The following PTPRD variants were observed in gnomAD, a reference collection of about 807,000 sequenced individuals.
PTPRD encodes receptor-type tyrosine-protein phosphatase delta.
A neutral mutation model predicts 214.5 loss-of-function variants in PTPRD; 34 were observed. The observed-to-expected ratio is 0.16, with a 90% CI of 0.12 to 0.21. The LOEUF is 0.21. Among genes scored for constraint, PTPRD ranks in the 10% least tolerant of loss-of-function variants. PTPRD has a pLI of 1.00. For missense variants in PTPRD, 2,545 were observed against 2,398.7 expected, an observed-to-expected ratio of 1.06 and a Z score of -1.27; for synonymous variants, 1,128 against 845.7, an observed-to-expected ratio of 1.33 and a Z score of -5.79.
chr9:8,376,487 C>A, intron 38 of PTPRD, 120 bp downstream of exon 38: 4 of 1,405,324 alleles, frequency 2.8e-6, no homozygotes, highest in Non-Finnish European at 3.9e-6. Context: ...CTATTTCATT[C>A]TTCACTGTTG....
At chr9:8,426,465 G>C (rs1277241041) in intron 35 of PTPRD, among the ~76,000 whole-genome samples, 1 of 152,042 alleles carries the variant, frequency 6.6e-6, no homozygotes, top group Non-Finnish European at 1.5e-5. Context: ...TCTTTTTTCA[G>C]TCCTTGCTAT....
At chr9:8,535,528 G>A (rs746256486) in intron 14 of PTPRD, among the ~76,000 whole-genome samples, 4 of 151,798 alleles carry the variant, frequency 2.6e-5, no homozygotes, top group South Asian at 2.1e-4. Flanking sequence ...GGATGTCAAA[G>A]GTTGTTGTGA....
chr9:9,998,728 C>G (rs991986068), intron 4 of PTPRD, among the ~76,000 whole-genome samples: 1 of 152,148 alleles, frequency 6.6e-6, no homozygotes, highest in African/African-American at 2.4e-5. Context: ...AATAACGTCT[C>G]TCTCCAGGCA....
At chr9:10,398,644 A>G (rs2098217295) in intron 2 of PTPRD, among the ~76,000 whole-genome samples, 1 of 152,020 alleles carries the variant, frequency 6.6e-6, no homozygotes, top group African/African-American at 2.4e-5. Flanking sequence ...GTGTAAAAAT[A>G]TATTTCCAAC....
chr9:8,449,931 C>A, intron 33 of PTPRD, 94 bp from the exon 34 acceptor site: 2 of 1,244,264 alleles, frequency 1.6e-6, no homozygotes, highest in East Asian at 2.4e-5. Context: ...CCCCACCTCC[C>A]AAGTTTTCAG....
At chr9:10,557,997 C>A (rs2063009989) in intron 2 of PTPRD, among the ~76,000 whole-genome samples, 1 of 152,136 alleles carries the variant, frequency 6.6e-6, no homozygotes, top group Admixed American at 6.6e-5. Flanking sequence ...TGTTGAAATT[C>A]TTAATACTAC....
At chr9:10,455,763 G>C (rs78441116) in intron 2 of PTPRD, among the ~76,000 whole-genome samples, 1 of 151,630 alleles carries the variant, frequency 6.6e-6, no homozygotes, top group South Asian at 2.1e-4. Flanking sequence ...CAAAATTTCA[G>C]CGATGTAGAT....
intron 14 of PTPRD, among the ~76,000 whole-genome samples, chr9:8,588,708 T>C (rs2093865194): frequency 6.6e-6 from 1 of 152,184 alleles, no homozygotes; most frequent in Non-Finnish European, 1.5e-5. Context: ...ATAATACATG[T>C]ATCAGATAAT....
chr9:9,988,723 C>T (rs1170924652), intron 4 of PTPRD, among the ~76,000 whole-genome samples: 1 of 151,788 alleles, frequency 6.6e-6, no homozygotes, highest in Non-Finnish European at 1.5e-5. Flanking sequence ...TATAGTAGAG[C>T]TCAGTATATA....
chr9:8,435,700 T>TACACACAC (rs3043782), intron 35 of PTPRD, among the ~76,000 whole-genome samples: 80 of 148,874 alleles, frequency 5.4e-4, no homozygotes, highest in East Asian at 2.2e-3. Flanking sequence ...AATATCCAAA[T>TACACACAC]ACACACACAC....
intron 7 of PTPRD, among the ~76,000 whole-genome samples, chr9:9,586,821 A>C (rs1225409611): frequency 6.6e-6 from 1 of 151,964 alleles, no homozygotes; most frequent in African/African-American, 2.4e-5. Flanking sequence ...TGATTTCTAC[A>C]ATCTCTGATT....
At chr9:9,497,441 A>G (rs1044647225) in intron 8 of PTPRD, among the ~76,000 whole-genome samples, 12 of 152,178 alleles carry the variant, frequency 7.9e-5, no homozygotes, top group African/African-American at 2.7e-4. Context: ...CTGTTTTTAA[A>G]TGACTCACTT....
At chr9:10,250,766 G>A (rs964715097) in intron 3 of PTPRD, among the ~76,000 whole-genome samples, 1 of 151,778 alleles carries the variant, frequency 6.6e-6, no homozygotes, top group Admixed American at 6.6e-5. Flanking sequence ...GGAAGAAACT[G>A]TTTATATGTT....
intron 9 of PTPRD, among the ~76,000 whole-genome samples, chr9:9,320,683 C>G (rs915724328): frequency 6.6e-6 from 1 of 152,106 alleles, no homozygotes; most frequent in Non-Finnish European, 1.5e-5. Context: ...CAAAACCATA[C>G]AAGTCTAAAC....
intron 7 of PTPRD, among the ~76,000 whole-genome samples, chr9:9,714,574 G>A (rs563904358): frequency 6.6e-6 from 1 of 152,310 alleles, no homozygotes; most frequent in East Asian, 1.9e-4. Flanking sequence ...CAAAAGTAAA[G>A]TAACCCTGTA....
At chr9:9,826,216 C>T (rs1485475812) in intron 5 of PTPRD, among the ~76,000 whole-genome samples, 1 of 151,470 alleles carries the variant, frequency 6.6e-6, no homozygotes, top group Non-Finnish European at 1.5e-5. Flanking sequence ...TTTCTTAGTG[C>T]TTCATCCATC....
chr9:9,644,495 C>T (rs1377698788), intron 7 of PTPRD, among the ~76,000 whole-genome samples: 1 of 152,176 alleles, frequency 6.6e-6, no homozygotes, highest in Non-Finnish European at 1.5e-5. Context: ...AAATGATCCT[C>T]TATATCTCCC....
At chr9:9,042,917 G>A (rs2099645595) in intron 10 of PTPRD, among the ~76,000 whole-genome samples, 2 of 152,104 alleles carry the variant, frequency 1.3e-5, no homozygotes, top group South Asian at 4.1e-4. Context: ...CAGCAGTAGT[G>A]TAAGTTGGGT....
At chr9:8,384,105 T>G (rs78758242) in intron 37 of PTPRD, among the ~76,000 whole-genome samples, 4,767 of 152,268 alleles carry the variant, frequency 0.031, 216 homozygotes, top group African/African-American at 0.11. Context: ...AGATGAATCC[T>G]ACCTCGGAGA....
Sources: allele counts gnomAD v4.1 joint callset (sites outside exome capture counted in the v4.1 genomes callset), GRCh38; gene constraint gnomAD v4.1.1; transcripts MANE v1.5; gene names NCBI Gene and HGNC (gene_info 2026-07-23, HGNC 2026-07-21).